Variants in RASSF6 observed in about 807,000 individuals in gnomAD.
RASSF6 encodes the protein Ras association domain family member 6, also known as ras association domain-containing protein 6.
A neutral mutation model predicts 44.0 loss-of-function variants in RASSF6; 52 were observed. That is an observed-to-expected ratio of 1.18 (90% confidence interval 0.95 to 1.49). The LOEUF is 1.49. Ranked by LOEUF, RASSF6 falls within the 40% of genes most tolerant of loss-of-function variation. The pLI is 0.00. For synonymous variants in RASSF6, 162 were observed against 124.6 expected (o/e 1.30, Z -2.00); for missense variants, 464 against 393.3 (o/e 1.18, Z -1.52).
intron 1 of RASSF6, among the ~76,000 whole-genome samples, chr4:73,618,304 T>TCTATCTATCTATCTATCTA (rs1726496459): frequency 6.6e-6 from 1 of 152,060 alleles, no homozygotes; most frequent in South Asian, 2.1e-4. Context: ...AAAGTTGTTA[T>TCTATCTATCTATCTATCTA]CTATCTATCT....
At chr4:73,578,427 A>AC (rs1400445303) in intron 8 of RASSF6, among the ~76,000 whole-genome samples, 1 of 152,208 alleles carries the variant, frequency 6.6e-6, no homozygotes, top group Non-Finnish European at 1.5e-5. Flanking sequence ...ACTTAAAAAA[A>AC]AATTCCCTTC....
At chr4:73,582,382 A>G (rs376796888) in intron 6 of RASSF6, 92 bp from the exon 7 acceptor site, 7 of 533,460 alleles carry the variant, frequency 1.3e-5, no homozygotes, top group African/African-American at 1.2e-4. Flanking sequence ...GGGCAAAAAA[A>G]ATCCAAGGTC....
chr4:73,619,939 G>T (rs1457702789), intron 1 of RASSF6, among the ~76,000 whole-genome samples: 2 of 152,020 alleles, frequency 1.3e-5, no homozygotes, highest in African/African-American at 4.8e-5. Flanking sequence ...ATGCCATCCA[G>T]AAGTCTAGTA....
At chr4:73,596,557 A>AATTTGTAGAT (rs1724956232) in intron 3 of RASSF6, among the ~76,000 whole-genome samples, 2 of 152,228 alleles carry the variant, frequency 1.3e-5, no homozygotes, top group Non-Finnish European at 1.5e-5. Flanking sequence ...TGCCCAAAGC[A>AATTTGTAGAT]ATTTGTAGAT....
At chr4:73,596,382 CA>C (rs1324516357) in intron 3 of RASSF6, among the ~76,000 whole-genome samples, 3 of 151,990 alleles carry the variant, frequency 2.0e-5, no homozygotes, top group African/African-American at 4.8e-5. Context: ...CAAACTCCCA[CA>C]AAAAGAATAA....
At chr4:73,584,725 C>T (rs998396031) in intron 6 of RASSF6, among the ~76,000 whole-genome samples, 1 of 152,116 alleles carries the variant, frequency 6.6e-6, no homozygotes, top group Non-Finnish European at 1.5e-5. Context: ...TTTCCCTGCT[C>T]AATCCCTGAG....
intron 3 of RASSF6, among the ~76,000 whole-genome samples, chr4:73,597,662 A>G (rs1436055286): frequency 6.6e-6 from 1 of 152,238 alleles, no homozygotes; most frequent in African/African-American, 2.4e-5. Flanking sequence ...TTATAAAGAC[A>G]TATTCACACA....
intron 8 of RASSF6, among the ~76,000 whole-genome samples, chr4:73,579,675 T>C (rs1483310355): frequency 3.3e-5 from 5 of 152,120 alleles, no homozygotes. Context: ...ATTGGTATTA[T>C]AGTTATTAAT....
At chr4:73,610,956 C>T (rs1306147808) in intron 2 of RASSF6, among the ~76,000 whole-genome samples, 1 of 152,068 alleles carries the variant, frequency 6.6e-6, no homozygotes, top group African/African-American at 2.4e-5. Flanking sequence ...GTCTTTTTCC[C>T]ACTGCTTATA....
At chr4:73,618,984 G>A (rs917884251) in intron 1 of RASSF6, among the ~76,000 whole-genome samples, 3 of 152,096 alleles carry the variant, frequency 2.0e-5, no homozygotes, top group African/African-American at 7.2e-5. Context: ...AGCTTAAGAG[G>A]TAGAGACTGA....
chr4:73,599,327 G>C (rs1029134232), intron 2 of RASSF6, among the ~76,000 whole-genome samples: 3 of 152,196 alleles, frequency 2.0e-5, no homozygotes, highest in Non-Finnish European at 4.4e-5. Flanking sequence ...ACTGTGGCAG[G>C]GGAGCTTCTC....
chr4:73,588,038 T>A, intron 4 of RASSF6, 104 bp from the exon 5 acceptor site: 1 of 627,146 alleles, frequency 1.6e-6, no homozygotes, highest in Non-Finnish European at 2.8e-6. Context: ...TGGGCCTCTG[T>A]AGGTGGATAT....
intron 8 of RASSF6, among the ~76,000 whole-genome samples, chr4:73,581,487 G>T (rs1409981891): frequency 6.6e-5 from 10 of 152,120 alleles, no homozygotes; most frequent in Admixed American, 6.6e-4. Context: ...CACTCAGAAA[G>T]GAAAGCCAAA....
chr4:73,596,725 C>T (rs1418099569), intron 3 of RASSF6, among the ~76,000 whole-genome samples: 2 of 152,186 alleles, frequency 1.3e-5, no homozygotes, highest in Non-Finnish European at 1.5e-5. Context: ...TCAAACTATA[C>T]TACTGGGCTA....
chr4:73,579,743 TAC>T (rs1206272811), intron 8 of RASSF6, among the ~76,000 whole-genome samples: 8 of 152,122 alleles, frequency 5.3e-5, no homozygotes, highest in African/African-American at 1.9e-4. Context: ...TTTAAATTGT[TAC>T]ACAGTCCAGT....
At chr4:73,576,567 G>A in intron 9 of RASSF6, 46 bp downstream of exon 9, 1 of 1,563,784 alleles carries the variant, frequency 6.4e-7, no homozygotes, top group Admixed American at 1.7e-5. Flanking sequence ...GAGGTGCTGA[G>A]TCAGGAGGGA....
rs776608439 is a variant in RASSF6, at chr4:73,587,902, T to A, written c.320A>T (p.Tyr107Phe). 3 of 1,610,236 alleles carry A rather than the reference T, an allele frequency of 1.9e-6. No homozygotes were observed. The highest frequency in any genetic ancestry group is 2.5e-6 in the Non-Finnish European group (3 of 1,177,280). ...GGTCCTGTCCAGCTCACTAATACGA[T>A]AGAGATCGTCAAATTCCCCCCAGCG... ...MTRWGEFDDL[Y>F]RISELDRTQI... The change falls in exon 5 of 11, where the codon TAT (tyrosine) becomes TTT (phenylalanine). Residue 107 changes from tyrosine (Y) to phenylalanine (F), a missense_variant. By Grantham distance (22) the Tyr-to-Phe change is conservative (BLOSUM62 3). Coordinates refer to ENST00000307439, the MANE Select transcript of RASSF6 (RefSeq NM_177532.5).
chr4:73,599,108 C>T (rs371344030), intron 2 of RASSF6, among the ~76,000 whole-genome samples: 4 of 152,306 alleles, frequency 2.6e-5, no homozygotes, highest in South Asian at 4.1e-4. Flanking sequence ...CCTCCTGTGT[C>T]CCCAGGGCAT....
chr4:73,586,333 C>A (rs541653685), intron 5 of RASSF6, among the ~76,000 whole-genome samples: 3 of 151,942 alleles, frequency 2.0e-5, no homozygotes, highest in South Asian at 2.1e-4. Flanking sequence ...AATTTGGTTA[C>A]TGAATTATTA....
Sources: gnomAD v4.1 joint callset for allele counts (sites outside exome capture counted in the v4.1 genomes callset) on GRCh38, gnomAD v4.1.1 for gene constraint, MANE v1.5 for transcripts, NCBI Gene and HGNC (gene_info 2026-07-23, HGNC 2026-07-21) for gene names.